Variants in CACNA2D3 observed in about 807,000 individuals in gnomAD.
CACNA2D3 encodes the protein voltage-dependent calcium channel subunit alpha-2/delta-3.
CACNA2D3 carries 60 observed loss-of-function variants against 160.6 expected under a neutral mutation model. That is an observed-to-expected ratio of 0.37 (90% CI 0.30 to 0.46). The LOEUF (loss-of-function observed/expected upper bound fraction) is 0.46, where lower values mean the gene tolerates loss of function less well. Ranked by LOEUF, CACNA2D3 falls within the 20% of genes least tolerant of loss-of-function variation. The pLI is 1.00. For synonymous variants in CACNA2D3, 558 were observed against 492.9 expected (o/e 1.13, Z -1.75); for missense variants, 1,205 against 1,365.0 (o/e 0.88, Z 1.85).
chr3:54,616,655 A>G (rs1698856679), intron 9 of CACNA2D3, among the ~76,000 whole-genome samples: 1 of 152,240 alleles, frequency 6.6e-6, no homozygotes, highest in African/African-American at 2.4e-5. Context: ...CAGGATATTG[A>G]TAAAACAAGA....
chr3:54,854,747 T>A (rs1346904972), intron 17 of CACNA2D3, among the ~76,000 whole-genome samples: 1 of 152,076 alleles, frequency 6.6e-6, no homozygotes, highest in African/African-American at 2.4e-5. Flanking sequence ...CTATATATAA[T>A]GATTTAAAAA....
intron 13 of CACNA2D3, among the ~76,000 whole-genome samples, chr3:54,769,844 C>T (rs906364041): frequency 4.6e-5 from 7 of 152,088 alleles, no homozygotes; most frequent in African/African-American, 1.4e-4. Context: ...GTTTGTTTAA[C>T]GATACTCTTT....
rs149453696 is a variant in CACNA2D3 at position 55,017,054 on chromosome 3, G to A, written c.2876-1152G>A. On this transcript the variant is annotated intron_variant, in intron 34 of 37. Transcript: ENST00000474759. ...ACCAGTTATATTTGGAATGTAACAT[G>A]AGAGTTTGTTCACACATAGTTTTGT... 1.0e-3 allele frequency among the ~76,000 whole-genome samples: 155 copies of A among 152,304 alleles called. 1 individual carries two copies. Among genetic ancestry groups the A allele is most frequent in the Middle Eastern group, 6.8e-3 (2 of 294 alleles).
intron 2 of CACNA2D3, among the ~76,000 whole-genome samples, chr3:54,304,609 A>G (rs1054043422): frequency 2.0e-5 from 3 of 152,122 alleles, no homozygotes; most frequent in Admixed American, 6.5e-5. Context: ...TACATCTACC[A>G]TCTGATTGTT....
At chr3:54,687,383 C>T (rs936319242) in intron 11 of CACNA2D3, among the ~76,000 whole-genome samples, 5 of 150,982 alleles carry the variant, frequency 3.3e-5, no homozygotes, top group African/African-American at 1.2e-4. Flanking sequence ...GACTCCTGAC[C>T]TCGTGATCCG....
chr3:54,839,461 C>T (rs1043816543), intron 16 of CACNA2D3, among the ~76,000 whole-genome samples: 59 of 152,218 alleles, frequency 3.9e-4, no homozygotes, highest in African/African-American at 1.3e-3. Flanking sequence ...AGAGAGCAGC[C>T]CCCACCAGAT....
chr3:54,752,619 C>G lies in CACNA2D3; in HGVS notation c.1188C>G (p.Leu396=), dbSNP rs776013305. 1 of 1,613,494 alleles carries G rather than the reference C, an allele frequency of 6.2e-7. No homozygotes were observed. Among genetic ancestry groups the G allele is most frequent in the South Asian group, 1.1e-5 (1 of 90,898 alleles). Residue 396 remains leucine, a synonymous_variant, in exon 12 of 38, where the codon CTC becomes CTG. Transcript: ENST00000474759. ...PDRKVRIFTY[L]IGREAAFADN... is the part of the protein sequence containing the mutation. ...TTCAGGTTCGCATCTTCACATACCT[C>G]ATTGGACGAGAGGCTGCGTTTGCAG...
In CACNA2D3 at chr3:55,046,164, A is replaced by G. The variant is rs576179397; in HGVS notation, c.2988-27281A>G. Among the ~76,000 whole-genome samples, 9 of 149,638 alleles carry G rather than the reference A, an allele frequency of 6.0e-5. No homozygotes were observed. The East Asian group carries it at 1.6e-3, about 26-fold the overall frequency. On this transcript the variant is annotated intron_variant, in intron 35 of 37. Coordinates refer to ENST00000474759, the MANE Select transcript of CACNA2D3 (RefSeq NM_018398.3). ...TGTGCACATTGTGCAGGTTAGTTAC[A>G]TATGTATACATGTGCCATGCTGGTG...
At position 54,123,572 on chromosome 3, in the gene CACNA2D3, C is replaced by T; in HGVS notation, c.182C>T (p.Ser61Phe). Residue 61 changes from serine (S) to phenylalanine (F), a missense_variant, in exon 2 of 38, where the codon TCC becomes TTC. By Grantham distance (155) the Ser-to-Phe change is radical. Around this residue, in one of 3 missense-constraint regions of CACNA2D3, gnomAD observed 163 missense variants for 161.3 expected, o/e 1.01. Coordinates refer to ENST00000474759, the MANE Select transcript of CACNA2D3 (RefSeq NM_018398.3). ...ATAAAATCCATTGCTGCTAAGTACT[C>T]CGGTTCCCAGCTTCTGCAAAAGGTA... is the stretch of plus-strand genomic sequence containing the variant. ...GEIKSIAAKY[S>F]GSQLLQKKYK... 1 of 1,613,766 alleles carries T rather than the reference C, an allele frequency of 6.2e-7. No homozygotes were observed. Among genetic ancestry groups the T allele is most frequent in the Non-Finnish European group, 8.5e-7 (1 of 1,179,762 alleles).
At chr3:54,146,098 T>C (rs1700025466) in intron 2 of CACNA2D3, among the ~76,000 whole-genome samples, 1 of 152,218 alleles carries the variant, frequency 6.6e-6, no homozygotes. Flanking sequence ...TTTTCCTGGT[T>C]CTCTGTTCGG....
rs574611014 is a variant in CACNA2D3 at position 54,251,083 on chromosome 3, T to C, written c.205-69359T>C. On this transcript the variant is annotated intron_variant, in intron 2 of 37. Transcript: ENST00000474759. Reference sequence around the variant, plus strand: ...TCAGCCATAGACTCTTAGGGGAGAGTGGTCAGGGGTTATGTAAGTGACTTA... The same window carrying C: ...TCAGCCATAGACTCTTAGGGGAGAGCGGTCAGGGGTTATGTAAGTGACTTA... Among the ~76,000 whole-genome samples, 18 of 150,982 alleles carry C rather than the reference T, an allele frequency of 1.2e-4. 1 individual carries two copies. In the South Asian group the frequency reaches 3.4e-3, roughly 28 times the overall value.
At chr3:54,657,562 ATT>A (rs1233734710) in intron 11 of CACNA2D3, among the ~76,000 whole-genome samples, 1 of 152,148 alleles carries the variant, frequency 6.6e-6, no homozygotes, top group Non-Finnish European at 1.5e-5. Context: ...AGTAGCCACC[ATT>A]TTGTTATCTA....
rs111989250 is a variant in CACNA2D3 at position 54,733,249 on chromosome 3, G to A, written c.1168-19350G>A. On this transcript the variant is annotated intron_variant, in intron 11 of 37. Coordinates refer to ENST00000474759, the MANE Select transcript of CACNA2D3 (RefSeq NM_018398.3). ...CCTCAGCAGCTGTGTCCCCTTAAGC[G>A]GATTTTATTTAGCAGCTGAGTTACC... is the stretch of plus-strand genomic sequence containing the variant. Among the ~76,000 whole-genome samples, 1,271 of 152,284 alleles carry A rather than the reference G, an allele frequency of 8.3e-3. 12 individuals are homozygous for A. Among genetic ancestry groups the A allele is most frequent in the Non-Finnish European group, 0.013 (916 of 68,018 alleles).
intron 13 of CACNA2D3, among the ~76,000 whole-genome samples, chr3:54,803,994 C>A (rs1703055867): frequency 6.6e-6 from 1 of 152,038 alleles, no homozygotes. Context: ...CCTTTACAGA[C>A]AAGCAAATGC....
In CACNA2D3 at chr3:54,709,066, A is replaced by G. The variant is rs147815710; in HGVS notation, c.1168-43533A>G. 6.9e-3 allele frequency among the ~76,000 whole-genome samples: 1,046 copies of G among 150,746 alleles called. 15 individuals carry two copies. The highest frequency in any genetic ancestry group is 0.024 in the African/African-American group (973 of 40,954). ...GCTCTGTCACCTAGGCTAGAGTGCA[A>G]TGACTCAATGTCGGCTCACTGCAAC... On this transcript the variant is annotated intron_variant, in intron 11 of 37. Coordinates refer to ENST00000474759, the MANE Select transcript of CACNA2D3 (RefSeq NM_018398.3).
intron 27 of CACNA2D3, among the ~76,000 whole-genome samples, chr3:54,919,653 A>G (rs1700778505): frequency 6.6e-6 from 1 of 152,238 alleles, no homozygotes; most frequent in African/African-American, 2.4e-5. Flanking sequence ...CTGAGCTAGC[A>G]GACTGAAGTC....
chr3:54,464,621 G>T (rs377628018), intron 4 of CACNA2D3, among the ~76,000 whole-genome samples: 2 of 152,196 alleles, frequency 1.3e-5, no homozygotes, highest in Non-Finnish European at 2.9e-5. Flanking sequence ...TTTTAAGCCC[G>T]TCGGAAAAGG....
intron 14 of CACNA2D3, among the ~76,000 whole-genome samples, chr3:54,830,413 G>A (rs958528103): frequency 3.3e-5 from 5 of 151,678 alleles, no homozygotes; most frequent in African/African-American, 4.8e-5. Context: ...GCTTCAGTTG[G>A]GTAGGTAACT....
At chr3:54,923,979 C>T (rs540415656) in intron 27 of CACNA2D3, among the ~76,000 whole-genome samples, 3 of 152,258 alleles carry the variant, frequency 2.0e-5, no homozygotes, top group African/African-American at 4.8e-5. Context: ...TTTACAGAAA[C>T]GGGAGATGGG....
Sources: gnomAD v4.1 joint callset for allele counts (sites outside exome capture counted in the v4.1 genomes callset) on GRCh38, gnomAD v4.1.1 for gene constraint, gnomAD v4.1.1 regional missense constraint, MANE v1.5 for transcripts, NCBI Gene and HGNC (gene_info 2026-07-23, HGNC 2026-07-21) for gene names.